Variants in TNIK observed in about 807,000 individuals in gnomAD.
TNIK encodes the protein TRAF2 and NCK interacting kinase, also known as TRAF2 and NCK-interacting protein kinase.
Under a neutral mutation model 191.3 loss-of-function variants are expected in TNIK, and 49 were observed. The observed-to-expected ratio is 0.26, with a 90% CI of 0.20 to 0.32. The LOEUF is 0.32. Ranked by LOEUF, TNIK falls within the 10% of genes least tolerant of loss-of-function variation. The pLI, the probability that TNIK is intolerant of heterozygous loss-of-function variation, is 1.00. For missense variants in TNIK, 1,155 were observed against 1,702.3 expected (o/e 0.68, Z 5.66); for synonymous variants, 594 against 600.9 (o/e 0.99, Z 0.17).
chr3:171,385,677 G>A (rs1473235796), intron 1 of TNIK, among the ~76,000 whole-genome samples: 1 of 152,022 alleles, frequency 6.6e-6, no homozygotes, highest in Non-Finnish European at 1.5e-5. Context: ...CAGTAGAGGG[G>A]ATAAACTTGC....
chr3:171,345,548 A>G (rs1712025991), intron 2 of TNIK, among the ~76,000 whole-genome samples: 2 of 151,646 alleles, frequency 1.3e-5, no homozygotes, highest in South Asian at 4.1e-4. Context: ...GATTTCTAAT[A>G]GACTGTCAAG....
intron 15 of TNIK, among the ~76,000 whole-genome samples, chr3:171,130,926 A>G (rs1387966951): frequency 2.0e-5 from 3 of 152,174 alleles, no homozygotes; most frequent in Non-Finnish European, 4.4e-5. Context: ...CAATAGTAGA[A>G]AAGTTTGCCC....
At chr3:171,170,345 T>C (rs1735116300) in intron 9 of TNIK, among the ~76,000 whole-genome samples, 1 of 152,200 alleles carries the variant, frequency 6.6e-6, no homozygotes, top group African/African-American at 2.4e-5. Context: ...GCTGGAAAGA[T>C]TGTTACATTA....
At chr3:171,203,087 T>C (rs1365383071) in intron 4 of TNIK, among the ~76,000 whole-genome samples, 2 of 152,216 alleles carry the variant, frequency 1.3e-5, no homozygotes, top group Non-Finnish European at 2.9e-5. Context: ...AATTTTTTTT[T>C]TTTCCTACAA....
chr3:171,319,624 G>T (rs1351323995), intron 2 of TNIK, among the ~76,000 whole-genome samples: 3 of 152,110 alleles, frequency 2.0e-5, no homozygotes, highest in African/African-American at 7.2e-5. Context: ...CATTTATTTT[G>T]CATAATTGAA....
intron 1 of TNIK, among the ~76,000 whole-genome samples, chr3:171,424,948 C>T (rs544567189): frequency 4.0e-5 from 6 of 149,246 alleles, no homozygotes; most frequent in South Asian, 2.2e-4. Flanking sequence ...CAAACCTGCA[C>T]GTTGTGCACA....
At chr3:171,207,324 T>C (rs765893140) in intron 4 of TNIK, among the ~76,000 whole-genome samples, 1 of 152,116 alleles carries the variant, frequency 6.6e-6, no homozygotes, top group African/African-American at 2.4e-5. Context: ...TCTCTCTACA[T>C]CCTCACCAAC....
intron 1 of TNIK, among the ~76,000 whole-genome samples, chr3:171,439,351 A>C (rs935812350): frequency 1.3e-5 from 2 of 151,812 alleles, no homozygotes; most frequent in Non-Finnish European, 2.9e-5. Flanking sequence ...CTCAAAAAAA[A>C]AAAAAGAAAA....
chr3:171,372,541 G>A (rs905402579), intron 1 of TNIK, among the ~76,000 whole-genome samples: 8 of 152,204 alleles, frequency 5.3e-5, no homozygotes, highest in African/African-American at 1.9e-4. Flanking sequence ...TCTGATCCAT[G>A]GAAGTGCTGG....
chr3:171,119,912 C>T (rs1451954174), intron 18 of TNIK, among the ~76,000 whole-genome samples: 3 of 152,082 alleles, frequency 2.0e-5, no homozygotes, highest in Non-Finnish European at 4.4e-5. Flanking sequence ...CAAACCTGCA[C>T]GTTGTGCACA....
chr3:171,177,280 G>T (rs377496208), intron 8 of TNIK, 46 bp downstream of exon 8: 3 of 1,581,554 alleles, frequency 1.9e-6, no homozygotes, highest in Non-Finnish European at 2.6e-6. Context: ...TTCAGTACCT[G>T]CAGAGCAGAC....
chr3:171,320,153 T>C (rs926741125), intron 2 of TNIK, among the ~76,000 whole-genome samples: 1 of 152,192 alleles, frequency 6.6e-6, no homozygotes, highest in Non-Finnish European at 1.5e-5. Context: ...CCATGGTTCT[T>C]CTGGACCCTT....
rs141442328 is a variant in TNIK at position 171,390,879 on chromosome 3, T to C, written c.58-21194A>G. ...AACCTGCTAAAACTAGATACTATGC[T>C]TTGTGCATGTGTGATTTATAGGAAA... is the stretch of plus-strand genomic sequence containing the variant. On this transcript the variant is annotated intron_variant, in intron 1 of 32. Coordinates refer to ENST00000436636, the MANE Select transcript of TNIK (RefSeq NM_015028.4). Among the ~76,000 whole-genome samples, 764 of 152,322 alleles carry C rather than the reference T, an allele frequency of 5.0e-3. 4 individuals carry two copies. Among genetic ancestry groups the C allele is most frequent in the Non-Finnish European group, 6.8e-3 (462 of 68,030 alleles).
chr3:171,182,465 A>G (rs1337950128), intron 7 of TNIK, among the ~76,000 whole-genome samples: 1 of 152,154 alleles, frequency 6.6e-6, no homozygotes. Context: ...AGTCAGAAAG[A>G]GATAAGTTTC....
rs1231658846 is a variant in TNIK, at chr3:171,429,053, A to G, written c.57+30954T>C. Among the ~76,000 whole-genome samples the G allele has an allele frequency of 2.0e-5, 3 of 152,294 alleles. No individual in the cohort carries two copies. In the East Asian group the frequency reaches 5.8e-4, roughly 29 times the overall value. ...CATCAAGTACTGTATTCCTATATTT[A>G]GTTTCCACCTGTCTCCCAAGCTCCA... On this transcript the variant is annotated intron_variant, in intron 1 of 32. Transcript: ENST00000436636.
At chr3:171,082,132 C>T in intron 27 of TNIK, 119 bp downstream of exon 27, 1 of 1,365,832 alleles carries the variant, frequency 7.3e-7, no homozygotes, top group Non-Finnish European at 9.9e-7. Context: ...GGCTATACTG[C>T]TATACTTTAT....
chr3:171,384,552 T>C (rs1444283465), intron 1 of TNIK, among the ~76,000 whole-genome samples: 1 of 152,184 alleles, frequency 6.6e-6, no homozygotes, highest in African/African-American at 2.4e-5. Context: ...AGAGATATGA[T>C]GAGAATGAGG....
chr3:171,171,619 G>T (rs778390965), intron 9 of TNIK, among the ~76,000 whole-genome samples: 2 of 152,202 alleles, frequency 1.3e-5, no homozygotes, highest in Non-Finnish European at 2.9e-5. Context: ...GCACATGAAA[G>T]ATTCACTGTC....
chr3:171,181,514 C>T (rs550711481), intron 7 of TNIK, among the ~76,000 whole-genome samples: 4 of 152,314 alleles, frequency 2.6e-5, no homozygotes, highest in Admixed American at 6.5e-5. Flanking sequence ...CCTGACTCCC[C>T]GACAGCTAAG....
Sources: allele counts gnomAD v4.1 joint callset (sites outside exome capture counted in the v4.1 genomes callset), GRCh38; gene constraint gnomAD v4.1.1; transcripts MANE v1.5; gene names NCBI Gene and HGNC (gene_info 2026-07-23, HGNC 2026-07-21).